EPHA5: variants seen among roughly 807,000 people sequenced by gnomAD.
EPHA5 encodes EPH receptor A5.
In EPHA5, 60 loss-of-function variants were observed where a neutral mutation model predicts 105.0. The ratio of observed to expected loss-of-function variants is 0.57; its 90% CI spans 0.46 to 0.71. The LOEUF (loss-of-function observed/expected upper bound fraction) is 0.71. Among genes scored for constraint, EPHA5 ranks in the 30% least tolerant of loss-of-function variants. The pLI, the probability that EPHA5 is intolerant of heterozygous loss-of-function variation, is 0.00. For missense variants in EPHA5, 1,218 were observed against 1,274.7 expected (o/e 0.96, Z 0.68); for synonymous variants, 513 against 449.1 (o/e 1.14, Z -1.80).
At position 65,414,360 on chromosome 4, in the gene EPHA5, G is replaced by T. The variant is rs202074075; in HGVS notation, c.1611C>A (p.Val537=). ...CTGCTGTACGTGCTCGAATTTGGAA[G>T]ACATAAACTGAAGCTGGTTTCAAGC... The part of the protein sequence containing the change: ...AEGLKPASVY[V]FQIRARTAAG... The change falls in exon 7 of 17, where the codon GTC becomes GTA. Residue 537 remains valine, a synonymous_variant. Coordinates refer to ENST00000613740, the MANE Select transcript of EPHA5 (RefSeq NM_001281766.3). 6.2e-7 allele frequency: 1 copy of T among 1,613,988 alleles called. No homozygotes were observed. The highest frequency in any genetic ancestry group is 8.5e-7 in the Non-Finnish European group (1 of 1,179,900).
chr4:65,602,692 C>A (rs1743857553), intron 2 of EPHA5, among the ~76,000 whole-genome samples: 1 of 151,400 alleles, frequency 6.6e-6, no homozygotes, highest in Non-Finnish European at 1.5e-5. Flanking sequence ...TCAGCATATA[C>A]ATAAATAGGG....
At chr4:65,509,568 C>T (rs765933367) in intron 3 of EPHA5, among the ~76,000 whole-genome samples, 7 of 152,142 alleles carry the variant, frequency 4.6e-5, no homozygotes, top group Non-Finnish European at 1.0e-4. Context: ...TTAAACTTTA[C>T]GGTTATATCT....
chr4:65,502,220 A>G (rs1732562850), intron 3 of EPHA5, among the ~76,000 whole-genome samples: 1 of 151,854 alleles, frequency 6.6e-6, no homozygotes, highest in African/African-American at 2.4e-5. Context: ...CTAAGTCTTT[A>G]CAAGCAATTG....
intron 1 of EPHA5, among the ~76,000 whole-genome samples, chr4:65,656,114 T>TTGC (rs1251219496): frequency 6.8e-5 from 9 of 132,528 alleles, no homozygotes; most frequent in South Asian, 2.5e-4. Context: ...TCTTTTGAAC[T>TTGC]TGCTGCTGCT....
chr4:65,482,702 G>C (rs1437694888), intron 5 of EPHA5, among the ~76,000 whole-genome samples: 1 of 152,082 alleles, frequency 6.6e-6, no homozygotes, highest in Admixed American at 6.6e-5. Flanking sequence ...GTTCACACTT[G>C]AATTAATTTA....
At chr4:65,414,195 A>C (rs1210772528) in intron 7 of EPHA5, 89 bp downstream of exon 7, 1 of 1,153,014 alleles carries the variant, frequency 8.7e-7, no homozygotes, top group South Asian at 1.3e-5. Flanking sequence ...AGTGAGACTG[A>C]CAGAGTGCCC....
At chr4:65,625,718 A>G (rs1746079029) in intron 2 of EPHA5, among the ~76,000 whole-genome samples, 1 of 152,224 alleles carries the variant, frequency 6.6e-6, no homozygotes, top group Non-Finnish European at 1.5e-5. Context: ...TCAATTTACA[A>G]TTTAAAATAA....
At chr4:65,503,828 T>G (rs1732731263) in intron 3 of EPHA5, among the ~76,000 whole-genome samples, 1 of 151,466 alleles carries the variant, frequency 6.6e-6, no homozygotes, top group African/African-American at 2.4e-5. Context: ...AACACACTAA[T>G]TGCTTAATGG....
intron 11 of EPHA5, among the ~76,000 whole-genome samples, chr4:65,362,437 A>C (rs940205863): frequency 6.6e-6 from 1 of 151,890 alleles, no homozygotes; most frequent in South Asian, 2.1e-4. Flanking sequence ...TTGAACATTA[A>C]GAGCTAAATT....
intron 11 of EPHA5, among the ~76,000 whole-genome samples, chr4:65,363,547 T>C (rs1717546401): frequency 6.6e-6 from 1 of 151,518 alleles, no homozygotes; most frequent in African/African-American, 2.4e-5. Context: ...AGTTTGCATT[T>C]ACCCTGGGGT....
intron 3 of EPHA5, among the ~76,000 whole-genome samples, chr4:65,533,213 C>T (rs913426600): frequency 5.3e-5 from 8 of 152,086 alleles, no homozygotes; most frequent in Non-Finnish European, 7.4e-5. Context: ...GGTAGGCTTG[C>T]TGCTTAAGGC....
chr4:65,500,680 A>G (rs992497598), intron 3 of EPHA5, among the ~76,000 whole-genome samples: 2 of 151,042 alleles, frequency 1.3e-5, no homozygotes, highest in Admixed American at 6.6e-5. Context: ...TTCACTTCAT[A>G]ATTCAAAGTC....
At chr4:65,415,102 T>C (rs765786849) in intron 6 of EPHA5, among the ~76,000 whole-genome samples, 7 of 152,126 alleles carry the variant, frequency 4.6e-5, no homozygotes, top group Admixed American at 3.9e-4. Context: ...AAAGATAGTT[T>C]TGGGAACTGA....
At chr4:65,573,577 G>A (rs990420307) in intron 3 of EPHA5, 1 of 1,598,544 alleles carries the variant, frequency 6.3e-7, no homozygotes, top group African/African-American at 1.3e-5. Flanking sequence ...CCCAAGAAGG[G>A]GAAGCCCCGT....
chr4:65,650,440 G>T (rs1318916166), intron 1 of EPHA5, among the ~76,000 whole-genome samples: 3 of 151,072 alleles, frequency 2.0e-5, no homozygotes, highest in Non-Finnish European at 4.4e-5. Flanking sequence ...GGCGCCCGTA[G>T]TCCCAGCTAT....
chr4:65,498,592 G>T (rs954367866), intron 3 of EPHA5, among the ~76,000 whole-genome samples: 9 of 151,822 alleles, frequency 5.9e-5, no homozygotes, highest in African/African-American at 2.2e-4. Flanking sequence ...CAAGAAATGA[G>T]AATGGGGTAA....
intron 3 of EPHA5, among the ~76,000 whole-genome samples, chr4:65,576,099 AAAAGAAAAGAAAAG>A (rs1482293182): frequency 2.2e-5 from 2 of 90,520 alleles, no homozygotes; most frequent in African/African-American, 4.2e-5. Flanking sequence ...AAAAGAAAAG[AAAAGAAAAGAAAAG>A]AAAAAAGAAA....
At chr4:65,554,141 C>A (rs1738177426) in intron 3 of EPHA5, among the ~76,000 whole-genome samples, 2 of 150,430 alleles carry the variant, frequency 1.3e-5, no homozygotes, top group Non-Finnish European at 1.5e-5. Flanking sequence ...TTTGAAGAGT[C>A]CAAGCAAGTA....
intron 6 of EPHA5, among the ~76,000 whole-genome samples, chr4:65,418,067 T>A (rs1435267853): frequency 6.6e-6 from 1 of 152,164 alleles, no homozygotes; most frequent in East Asian, 1.9e-4. Context: ...CTATTAACCC[T>A]TATTGCATCT....
Sources: gnomAD v4.1 joint callset for allele counts (sites outside exome capture counted in the v4.1 genomes callset) on GRCh38, gnomAD v4.1.1 for gene constraint, MANE v1.5 for transcripts, NCBI Gene and HGNC (gene_info 2026-07-23, HGNC 2026-07-21) for gene names.